Variants in HLCS observed in about 807,000 individuals in gnomAD.
HLCS encodes holocarboxylase synthetase.
A neutral mutation model predicts 75.0 loss-of-function variants in HLCS; 53 were observed. The observed-to-expected ratio is 0.71, with a 90% CI of 0.57 to 0.89. HLCS has a LOEUF of 0.89. Among genes scored for constraint, HLCS ranks in the 40% least tolerant of loss-of-function variants. The pLI, the probability that HLCS is intolerant of heterozygous loss-of-function variation, is 0.00. For synonymous variants in HLCS, 431 were observed against 428.6 expected, an observed-to-expected ratio of 1.01 and a Z score of -0.07; for missense variants, 966 against 1,074.0, an observed-to-expected ratio of 0.90 and a Z score of 1.41.
intron 1 of HLCS, among the ~76,000 whole-genome samples, chr21:36,979,883 C>G (rs1271574282): frequency 6.6e-6 from 1 of 152,036 alleles, no homozygotes; most frequent in Admixed American, 6.6e-5. Context: ...GGTGAAACCA[C>G]ATCTCTACAA....
intron 6 of HLCS, among the ~76,000 whole-genome samples, chr21:36,834,079 C>T (rs748975206): frequency 5.9e-5 from 9 of 152,282 alleles, no homozygotes; most frequent in South Asian, 4.1e-4. Context: ...TTTTCCTAGG[C>T]GAGGGTTCCA....
At chr21:36,793,531 A>G (rs1189938852) in intron 6 of HLCS, among the ~76,000 whole-genome samples, 5 of 151,836 alleles carry the variant, frequency 3.3e-5, no homozygotes, top group Non-Finnish European at 7.4e-5. Flanking sequence ...TGAACTCCGG[A>G]CCTTGTGATC....
In HLCS at chr21:36,749,185, T is replaced by C. The variant is rs1486647680; in HGVS notation, c.*5061A>G. The C allele has an allele frequency of 6.5e-6, 1 of 152,692 alleles. No homozygotes were observed. Among genetic ancestry groups the C allele is most frequent in the Non-Finnish European group, 1.5e-5 (1 of 68,042 alleles). 9.5% of individuals were successfully genotyped at this position (152,692 alleles called of 1,614,324 possible). A position where few individuals can be genotyped will look rare whatever the true frequency, so the allele number is the denominator to read the frequency against. ...TGTTTAAAAAATGAGCTTCCATTAATTTTTACTTTTTATGGGTTTTGCTTA... is the reference window on the plus strand; with the variant it reads ...TGTTTAAAAAATGAGCTTCCATTAACTTTTACTTTTTATGGGTTTTGCTTA... On this transcript the variant is annotated 3_prime_UTR_variant, in exon 11 of 11. Transcript: ENST00000674895.
intron 2 of HLCS, among the ~76,000 whole-genome samples, chr21:36,939,473 T>G (rs2067043280): frequency 6.6e-6 from 1 of 152,186 alleles, no homozygotes; most frequent in South Asian, 2.1e-4. Context: ...ACTCCCTCCC[T>G]ATCTGGTGCA....
At chr21:36,803,972 C>G (rs2061289878) in intron 6 of HLCS, 1 of 152,342 alleles carries the variant, frequency 6.6e-6, no homozygotes, top group African/African-American at 2.4e-5. Context: ...GCCAGGAAGG[C>G]AGTTTCCTTT....
intron 2 of HLCS, among the ~76,000 whole-genome samples, chr21:36,949,328 C>T (rs1327570059): frequency 6.6e-6 from 1 of 152,248 alleles, no homozygotes; most frequent in Non-Finnish European, 1.5e-5. Flanking sequence ...ATGCCTCTGT[C>T]ACTGAGCTGG....
upstream of HLCS, among the ~76,000 whole-genome samples, chr21:36,966,993 G>A (rs2068636308): frequency 1.3e-5 from 2 of 151,804 alleles, no homozygotes; most frequent in South Asian, 4.2e-4. Flanking sequence ...GGGGTGCGGG[G>A]CCGCGCCAGG....
At chr21:36,922,402 C>T (rs73214743) in intron 5 of HLCS, among the ~76,000 whole-genome samples, 18,296 of 152,094 alleles carry the variant, frequency 0.12, 1,445 homozygotes, top group Non-Finnish European at 0.18. Context: ...AAAAGACCCA[C>T]GACACCAGCA....
intron 5 of HLCS, among the ~76,000 whole-genome samples, chr21:36,916,517 A>ATTTTTTTTT (rs1569188583): frequency 7.3e-6 from 1 of 136,540 alleles, no homozygotes; most frequent in African/African-American, 2.8e-5. Context: ...ATGCCTAGCT[A>ATTTTTTTTT]ATTTTTTTTT....
chr21:36,804,505 C>T (rs979511356), intron 6 of HLCS, among the ~76,000 whole-genome samples: 1 of 152,150 alleles, frequency 6.6e-6, no homozygotes, highest in African/African-American at 2.4e-5. Flanking sequence ...CCAGAATTAC[C>T]CACCATGACC....
chr21:36,796,325 T>C (rs553326829), intron 6 of HLCS, among the ~76,000 whole-genome samples: 44 of 152,242 alleles, frequency 2.9e-4, no homozygotes, highest in African/African-American at 1.0e-3. Context: ...ACATAACATA[T>C]GGGTGGGCAA....
Position 36,749,421 on chromosome 21 carries a change from A to G in HLCS, c.*4825T>C, listed in dbSNP as rs1454456278. The stretch of plus-strand genomic sequence containing the variant: ...TCGTTCTAAAATCAAGTGCACCTAC[A>G]CCAACTGCTCTCAAAATGTGAACTG... On this transcript the variant is annotated 3_prime_UTR_variant, in exon 11 of 11. Transcript: ENST00000674895. 6.7e-6 allele frequency: 1 copy of G among 150,116 alleles called. No homozygotes were observed. The highest frequency in any genetic ancestry group is 2.5e-5 in the African/African-American group (1 of 40,616). The allele number at this position is 150,116 out of a possible 1,614,324, so 9.3% of individuals were successfully genotyped here.
At chr21:36,948,759 A>G (rs1263811331) in intron 2 of HLCS, among the ~76,000 whole-genome samples, 1 of 149,760 alleles carries the variant, frequency 6.7e-6, no homozygotes, top group Non-Finnish European at 1.5e-5. Flanking sequence ...AAAAAAGACA[A>G]TATACCCTAT....
intron 6 of HLCS, among the ~76,000 whole-genome samples, chr21:36,816,671 T>C (rs1364492626): frequency 6.6e-6 from 1 of 152,160 alleles, no homozygotes; most frequent in Non-Finnish European, 1.5e-5. Flanking sequence ...CACAGTTGTA[T>C]GGGTAAGCCA....
At chr21:36,916,424 G>A (rs1393081133) in intron 5 of HLCS, among the ~76,000 whole-genome samples, 5 of 151,496 alleles carry the variant, frequency 3.3e-5, no homozygotes, top group African/African-American at 7.3e-5. Flanking sequence ...GTGCAGTGGC[G>A]CGATCACAAA....
intron 2 of HLCS, among the ~76,000 whole-genome samples, chr21:36,959,606 T>C (rs1046236515): frequency 6.6e-6 from 1 of 152,192 alleles, no homozygotes; most frequent in African/African-American, 2.4e-5. Context: ...GTGCTTTTTC[T>C]GGCCCGCCCA....
intron 6 of HLCS, among the ~76,000 whole-genome samples, chr21:36,858,718 G>T (rs928709631): frequency 3.3e-5 from 5 of 152,212 alleles, no homozygotes; most frequent in Admixed American, 1.3e-4. Flanking sequence ...CTGGGAGGGA[G>T]CCCGCCCTGC....
intron 6 of HLCS, among the ~76,000 whole-genome samples, chr21:36,803,168 C>T (rs2061258688): frequency 6.6e-6 from 1 of 152,192 alleles, no homozygotes; most frequent in Admixed American, 6.5e-5. Context: ...CGTCACTGAG[C>T]TGGGTGTGAA....
At chr21:36,967,116 T>C (rs1338147873), upstream of HLCS, among the ~76,000 whole-genome samples, 3 of 151,850 alleles carry the variant, frequency 2.0e-5, no homozygotes, top group Non-Finnish European at 4.4e-5. Flanking sequence ...GGGAGGCGGA[T>C]TGAGGAGGGG....
Sources: allele counts gnomAD v4.1 joint callset (sites outside exome capture counted in the v4.1 genomes callset), GRCh38; gene constraint gnomAD v4.1.1; transcripts MANE v1.5; gene names NCBI Gene and HGNC (gene_info 2026-07-23, HGNC 2026-07-21).